The following ZBBX variants were observed in gnomAD, a reference collection of about 807,000 sequenced individuals.
ZBBX encodes the protein zinc finger B-box domain-containing protein 1.
In ZBBX, 101 loss-of-function variants were observed where a neutral mutation model predicts 108.5. The ratio of observed to expected loss-of-function variants is 0.93; its 90% CI spans 0.79 to 1.10. The LOEUF is 1.10. Ranked by LOEUF, ZBBX falls within the 50% of genes least tolerant of loss-of-function variation. ZBBX has a pLI of 0.00. For synonymous variants in ZBBX, 356 were observed against 323.4 expected, an observed-to-expected ratio of 1.10 and a Z score of -1.08; for missense variants, 1,009 against 941.4, an observed-to-expected ratio of 1.07 and a Z score of -0.94.
intron 9 of ZBBX, among the ~76,000 whole-genome samples, chr3:167,337,202 AT>A (rs1460781281): frequency 2.6e-5 from 4 of 152,180 alleles, no homozygotes; most frequent in Admixed American, 1.3e-4. Flanking sequence ...CTATAGTTTA[AT>A]TATATTAACA....
chr3:167,291,489 A>G (rs1450692231), intron 18 of ZBBX, among the ~76,000 whole-genome samples: 3 of 152,206 alleles, frequency 2.0e-5, no homozygotes, highest in African/African-American at 7.2e-5. Flanking sequence ...AAAATCATTT[A>G]CAGACAAGCA....
chr3:167,302,081 T>C (rs1039886263), intron 17 of ZBBX, among the ~76,000 whole-genome samples: 7 of 152,164 alleles, frequency 4.6e-5, no homozygotes, highest in African/African-American at 1.7e-4. Context: ...ATGATTTCTT[T>C]AGCATTTGTT....
chr3:167,229,207 A>T, the ZBBX span, among the ~76,000 whole-genome samples: 1 of 151,784 alleles, frequency 6.6e-6, no homozygotes, highest in Non-Finnish European at 1.5e-5. Context: ...TATTTCTGCT[A>T]CGTAAGTTTT....
At chr3:167,252,704 A>G (rs944176443) in intron 20 of ZBBX, among the ~76,000 whole-genome samples, 2 of 152,170 alleles carry the variant, frequency 1.3e-5, no homozygotes, top group Admixed American at 1.3e-4. Flanking sequence ...TTGCTTTTGT[A>G]TATAAAAAGT....
chr3:167,292,247 T>C (rs1287196429), intron 18 of ZBBX, among the ~76,000 whole-genome samples: 1 of 152,206 alleles, frequency 6.6e-6, no homozygotes, highest in Non-Finnish European at 1.5e-5. Flanking sequence ...ATCAACAGGA[T>C]ATACATTCTT....
chr3:167,287,932 C>T (rs981359903), intron 19 of ZBBX, among the ~76,000 whole-genome samples: 3 of 152,022 alleles, frequency 2.0e-5, no homozygotes, highest in Admixed American at 6.6e-5. Flanking sequence ...GCAAGAGAGA[C>T]ATATATATCT....
Position 167,242,452 on chromosome 3 carries a change from G to A in ZBBX, c.2393+53C>T, listed in dbSNP as rs538498395. 12 of 1,462,648 alleles carry A rather than the reference G, an allele frequency of 8.2e-6. No individual in the cohort carries two copies. In the African/African-American group the frequency reaches 1.4e-4, roughly 17 times the overall value. The allele number at this position is 1,462,648 out of a possible 1,614,324, so 90.6% of individuals were successfully genotyped here. On this transcript the variant is annotated intron_variant, in intron 21 of 21. Transcript: ENST00000675490. ...TAATAAAGATAACTAGTTGGAGCTT[G>A]TCAAAATTTTACTACATACTATATT...
At chr3:167,212,737 G>C in the ZBBX span, among the ~76,000 whole-genome samples, 51 of 152,122 alleles carry the variant, frequency 3.4e-4, no homozygotes, top group African/African-American at 1.1e-3. Flanking sequence ...CAATCCAGAA[G>C]TGCCAAGTCA....
At chr3:167,279,049 A>G (rs1305355467) in intron 20 of ZBBX, among the ~76,000 whole-genome samples, 3 of 151,794 alleles carry the variant, frequency 2.0e-5, no homozygotes, top group African/African-American at 7.3e-5. Flanking sequence ...AAAATCCAAC[A>G]ACCCTTCATG....
At chr3:167,238,859 A>G (rs1720339210), downstream of ZBBX, among the ~76,000 whole-genome samples, 1 of 152,058 alleles carries the variant, frequency 6.6e-6, no homozygotes, top group Non-Finnish European at 1.5e-5. Context: ...CACCAGCAAA[A>G]TACTTCCCTT....
intron 20 of ZBBX, among the ~76,000 whole-genome samples, chr3:167,251,901 G>A (rs1042028854): frequency 2.1e-4 from 30 of 145,166 alleles, no homozygotes; most frequent in African/African-American, 7.9e-4. Flanking sequence ...CTTGTCTCTC[G>A]ATTCATCATG....
At chr3:167,312,685 A>T (rs754438508) in intron 16 of ZBBX, among the ~76,000 whole-genome samples, 4 of 152,224 alleles carry the variant, frequency 2.6e-5, no homozygotes, top group Non-Finnish European at 5.9e-5. Context: ...GGCAACAGGA[A>T]CATCAGGAAC....
chr3:167,236,333 C>T (rs1014998439), downstream of ZBBX, among the ~76,000 whole-genome samples: 4 of 151,650 alleles, frequency 2.6e-5, no homozygotes, highest in Admixed American at 2.0e-4. Context: ...TGTCAACTTG[C>T]ACCTAAATTC....
chr3:167,188,915 C>A, the ZBBX span, among the ~76,000 whole-genome samples: 6 of 152,070 alleles, frequency 3.9e-5, no homozygotes, highest in African/African-American at 1.4e-4. Flanking sequence ...ATTGAGGAAA[C>A]CCTGAGATTT....
chr3:167,357,307 A>C (rs371760070), intron 8 of ZBBX, among the ~76,000 whole-genome samples: 5 of 152,300 alleles, frequency 3.3e-5, no homozygotes, highest in East Asian at 3.9e-4. Context: ...TGAATGAAGA[A>C]AGTCATAGAT....
At chr3:167,318,857 T>A (rs192272252) in intron 12 of ZBBX, among the ~76,000 whole-genome samples, 11 of 151,958 alleles carry the variant, frequency 7.2e-5, no homozygotes, top group African/African-American at 2.7e-4. Flanking sequence ...TAGTTATAAA[T>A]GAATTACCTT....
chr3:167,392,617 G>A (rs1023493564), intron 1 of ZBBX, among the ~76,000 whole-genome samples: 8 of 151,916 alleles, frequency 5.3e-5, no homozygotes, highest in Non-Finnish European at 1.0e-4. Flanking sequence ...ACTGAAAAGA[G>A]ATTAGTCATT....
intron 20 of ZBBX, among the ~76,000 whole-genome samples, chr3:167,260,047 C>A (rs1442830090): frequency 6.6e-6 from 1 of 152,080 alleles, no homozygotes; most frequent in Non-Finnish European, 1.5e-5. Flanking sequence ...ATTCTCTCAG[C>A]ATTTGTTTGT....
chr3:167,385,487 T>A (rs79325408), intron 1 of ZBBX, among the ~76,000 whole-genome samples: 6,161 of 152,118 alleles, frequency 0.041, 142 homozygotes, highest in Middle Eastern at 0.068. Flanking sequence ...AAATTTTTTT[T>A]AAAAATTTCA....
Sources: allele counts gnomAD v4.1 joint callset (sites outside exome capture counted in the v4.1 genomes callset), GRCh38; gene constraint gnomAD v4.1.1; transcripts MANE v1.5; gene names NCBI Gene and HGNC (gene_info 2026-07-23, HGNC 2026-07-21).